The following SPATS2 variants were observed in gnomAD, a reference collection of about 807,000 sequenced individuals.
The protein encoded by SPATS2 is spermatogenesis associated serine rich 2.
A neutral mutation model predicts 63.7 loss-of-function variants in SPATS2; 38 were observed. The ratio of observed to expected loss-of-function variants is 0.60; its 90% CI spans 0.46 to 0.78. The LOEUF (loss-of-function observed/expected upper bound fraction) is 0.78, where lower values mean the gene tolerates loss of function less well. Among genes scored for constraint, SPATS2 ranks in the 30% least tolerant of loss-of-function variants. SPATS2 has a pLI of 0.00. For missense variants in SPATS2, 588 were observed against 666.2 expected, an observed-to-expected ratio of 0.88 and a Z score of 1.29; for synonymous variants, 207 against 232.9, an observed-to-expected ratio of 0.89 and a Z score of 1.01.
intron 3 of SPATS2, chr12:49,462,987 G>T (rs145265047): frequency 6.6e-6 from 1 of 152,616 alleles, no homozygotes; most frequent in Non-Finnish European, 1.5e-5. Context: ...CTTGAGGGTG[G>T]CGTTTTAACC....
At chr12:49,385,880 T>TG (rs1369042080) in intron 2 of SPATS2, among the ~76,000 whole-genome samples, 2 of 150,942 alleles carry the variant, frequency 1.3e-5, no homozygotes, top group African/African-American at 2.4e-5. Context: ...TTTTGTTTTT[T>TG]TTTTTTGAGA....
chr12:49,520,999 A>G (rs939796823), intron 11 of SPATS2, among the ~76,000 whole-genome samples: 4 of 152,090 alleles, frequency 2.6e-5, no homozygotes, highest in African/African-American at 9.7e-5. Context: ...GATTACAGGC[A>G]TGAGCCACCA....
At chr12:49,442,827 A>C (rs1244460120) in intron 2 of SPATS2, among the ~76,000 whole-genome samples, 1 of 145,020 alleles carries the variant, frequency 6.9e-6, no homozygotes, top group African/African-American at 2.5e-5. Flanking sequence ...AAAAAATTAC[A>C]TTCACCATTA....
At chr12:49,447,314 C>G (rs1256264601) in intron 2 of SPATS2, among the ~76,000 whole-genome samples, 3 of 152,086 alleles carry the variant, frequency 2.0e-5, no homozygotes, top group Non-Finnish European at 2.9e-5. Flanking sequence ...TCTCGGCTCA[C>G]TGCAACCTCC....
intron 2 of SPATS2, among the ~76,000 whole-genome samples, chr12:49,454,008 T>C (rs918807559): frequency 1.1e-4 from 17 of 151,562 alleles, no homozygotes; most frequent in African/African-American, 3.6e-4. Flanking sequence ...GACTACAGGC[T>C]CCCGCCACCA....
intron 3 of SPATS2, among the ~76,000 whole-genome samples, chr12:49,478,032 T>A (rs1946148826): frequency 6.7e-6 from 1 of 150,210 alleles, no homozygotes; most frequent in Admixed American, 6.7e-5. Context: ...TGGAGTGTAG[T>A]GGCATGCTCA....
chr12:49,381,404 G>A (rs1338490948), intron 2 of SPATS2, among the ~76,000 whole-genome samples: 1 of 152,216 alleles, frequency 6.6e-6, no homozygotes, highest in Non-Finnish European at 1.5e-5. Flanking sequence ...AAGTAGGAGT[G>A]GAGATGTAAC....
At chr12:49,459,740 T>TCCCC (rs76078684) in intron 2 of SPATS2, among the ~76,000 whole-genome samples, 2 of 32,646 alleles carry the variant, frequency 6.1e-5, no homozygotes, top group Admixed American at 5.2e-4. Flanking sequence ...TCATTTCACG[T>TCCCC]CCCCCCCCCC....
At chr12:49,525,842 CATGGG>C in intron 13 of SPATS2, 97 bp from the exon 14 acceptor site, 1 of 1,293,080 alleles carries the variant, frequency 7.7e-7, no homozygotes, top group South Asian at 1.5e-5. Context: ...GAGTCCCAAG[CATGGG>C]ATACCACAAT....
At chr12:49,411,931 A>AT (rs151144822) in intron 2 of SPATS2, among the ~76,000 whole-genome samples, 5 of 152,100 alleles carry the variant, frequency 3.3e-5, no homozygotes, top group African/African-American at 1.2e-4. Flanking sequence ...ATCAAATTCC[A>AT]TTTTTTTCTT....
At position 49,439,329 on chromosome 12, in the gene SPATS2, T is replaced by TTGAGTAGAGGAGTGACATGATC. The variant is rs1321412684; in HGVS notation, c.-243-21435_-243-21414dup. The stretch of plus-strand genomic sequence containing the variant: ...TGGTCATGGGGAGCACTGAAGGGTT[T>TTGAGTAGAGGAGTGACATGATC]TGAGTAGAGGAGTGACATGATCTGA... On this transcript the variant is annotated intron_variant, in intron 2 of 13. Transcript: ENST00000552918. Among the ~76,000 whole-genome samples the TTGAGTAGAGGAGTGACATGATC allele has an allele frequency of 2.6e-5, 4 of 152,194 alleles. No homozygotes were observed. In the East Asian group the frequency reaches 7.7e-4, roughly 29 times the overall value.
intron 2 of SPATS2, among the ~76,000 whole-genome samples, chr12:49,412,672 G>A (rs1944817668): frequency 6.6e-6 from 1 of 151,656 alleles, no homozygotes; most frequent in South Asian, 2.1e-4. Context: ...CTTGAAGCCA[G>A]GAGTTTGAGA....
intron 3 of SPATS2, among the ~76,000 whole-genome samples, chr12:49,480,863 A>G (rs1946194538): frequency 6.6e-6 from 1 of 152,056 alleles, no homozygotes; most frequent in African/African-American, 2.4e-5. Context: ...AACAAAATTA[A>G]TTCTAAAACA....
intron 3 of SPATS2, among the ~76,000 whole-genome samples, chr12:49,481,356 G>A (rs767354022): frequency 4.0e-5 from 6 of 150,768 alleles, no homozygotes; most frequent in East Asian, 3.9e-4. Context: ...GCGAGACTCC[G>A]TCTCCAGAAA....
chr12:49,515,365 T>A (rs1946821334), intron 10 of SPATS2, among the ~76,000 whole-genome samples: 2 of 152,202 alleles, frequency 1.3e-5, no homozygotes, highest in South Asian at 4.1e-4. Flanking sequence ...CCAGATTAAT[T>A]ATTAGGAAAG....
chr12:49,525,487 T>C (rs1947017513), intron 13 of SPATS2, among the ~76,000 whole-genome samples: 1 of 152,222 alleles, frequency 6.6e-6, no homozygotes, highest in South Asian at 2.1e-4. Flanking sequence ...ATGCGAAAGA[T>C]GTGCTGAATG....
At chr12:49,383,173 A>G (rs949428243) in intron 2 of SPATS2, among the ~76,000 whole-genome samples, 21 of 150,612 alleles carry the variant, frequency 1.4e-4, no homozygotes, top group African/African-American at 5.2e-4. Flanking sequence ...GCACACCACC[A>G]TGCCTGGCTA....
At chr12:49,504,955 G>T (rs1457256420) in intron 9 of SPATS2, among the ~76,000 whole-genome samples, 2 of 151,492 alleles carry the variant, frequency 1.3e-5, no homozygotes, top group Non-Finnish European at 2.9e-5. Context: ...GTAGAGATGG[G>T]GTTTTGCCAC....
intron 3 of SPATS2, among the ~76,000 whole-genome samples, chr12:49,475,913 G>A (rs1183805685): frequency 6.6e-6 from 1 of 152,174 alleles, no homozygotes; most frequent in Non-Finnish European, 1.5e-5. Flanking sequence ...GTTCTCTAGA[G>A]TATAGTACTA....
Sources: allele counts gnomAD v4.1 joint callset (sites outside exome capture counted in the v4.1 genomes callset), GRCh38; gene constraint gnomAD v4.1.1; transcripts MANE v1.5; gene names NCBI Gene and HGNC (gene_info 2026-07-23, HGNC 2026-07-21).